The following KCNJ6 variants were observed in gnomAD, a reference collection of about 807,000 sequenced individuals.
KCNJ6 encodes potassium inwardly rectifying channel subfamily J member 6.
A neutral mutation model predicts 34.2 loss-of-function variants in KCNJ6; 9 were observed. That is an observed-to-expected ratio of 0.26 (90% CI 0.16 to 0.46). The LOEUF (loss-of-function observed/expected upper bound fraction) is 0.46. KCNJ6 is among the 20% of genes least tolerant of loss of function. The pLI is 1.00. For synonymous variants in KCNJ6, 196 were observed against 207.1 expected, an observed-to-expected ratio of 0.95 and a Z score of 0.46; for missense variants, 236 against 531.3, an observed-to-expected ratio of 0.44 and a Z score of 5.46.
At chr21:37,837,729 T>G (rs2055459055) in intron 2 of KCNJ6, among the ~76,000 whole-genome samples, 1 of 151,652 alleles carries the variant, frequency 6.6e-6, no homozygotes, top group Non-Finnish European at 1.5e-5. Context: ...TTTTTTTTCT[T>G]CCAGAGTGTG....
At chr21:37,656,452 G>T (rs2054464563) in intron 3 of KCNJ6, among the ~76,000 whole-genome samples, 1 of 152,188 alleles carries the variant, frequency 6.6e-6, no homozygotes, top group Non-Finnish European at 1.5e-5. Context: ...TGGTTGGTTT[G>T]TGGGGTAGAC....
chr21:37,687,282 A>C (rs371778429), intron 3 of KCNJ6, among the ~76,000 whole-genome samples: 1 of 152,176 alleles, frequency 6.6e-6, no homozygotes, highest in East Asian at 1.9e-4. Context: ...TGAGTGCTCC[A>C]GCTGACCCAG....
rs1161495333 is a variant in KCNJ6 at position 37,793,755 on chromosome 21, A to C, written c.25+46903T>G. On this transcript the variant is annotated intron_variant, in intron 2 of 3. Coordinates refer to ENST00000609713, the MANE Select transcript of KCNJ6 (RefSeq NM_002240.5). Reference sequence around the variant, plus strand: ...ATGGTATATATAAAAGCTGGGGCTGAGACTCAGGCTAGTCTGATTTCAGAG... The same window carrying C: ...ATGGTATATATAAAAGCTGGGGCTGCGACTCAGGCTAGTCTGATTTCAGAG... 3.3e-5 allele frequency among the ~76,000 whole-genome samples: 5 copies of C among 152,206 alleles called. No homozygotes were observed. In the East Asian group the frequency reaches 9.6e-4, roughly 29 times the overall value.
At chr21:37,859,508 TATATATATATATATATATATATAA>T (rs1445090574) in intron 1 of KCNJ6, among the ~76,000 whole-genome samples, 26 of 116,598 alleles carry the variant, frequency 2.2e-4, no homozygotes, top group Middle Eastern at 4.1e-3. Context: ...TATATATATA[TATATATATATATATATATATATAA>T]AATACTTAAA....
intron 1 of KCNJ6, among the ~76,000 whole-genome samples, chr21:37,903,948 G>C (rs951471987): frequency 6.6e-6 from 1 of 152,126 alleles, no homozygotes; most frequent in Non-Finnish European, 1.5e-5. Context: ...TATTGGTAGA[G>C]AGTAACCAAA....
At chr21:37,667,109 C>T (rs1178758779) in intron 3 of KCNJ6, among the ~76,000 whole-genome samples, 1 of 142,748 alleles carries the variant, frequency 7.0e-6, no homozygotes, top group East Asian at 2.0e-4. Context: ...ATGACCCTGC[C>T]ACATCCCCCT....
chr21:37,726,864 T>C (rs2054857612), intron 2 of KCNJ6, among the ~76,000 whole-genome samples: 1 of 152,210 alleles, frequency 6.6e-6, no homozygotes. Context: ...GTGTTGTGGA[T>C]TGAAGGGTTC....
At chr21:37,908,085 A>G (rs969523417) in intron 1 of KCNJ6, among the ~76,000 whole-genome samples, 4 of 152,194 alleles carry the variant, frequency 2.6e-5, no homozygotes, top group Admixed American at 2.6e-4. Flanking sequence ...TTACTGTTTC[A>G]TTTTGATAAT....
At chr21:37,753,162 G>A (rs529598658) in intron 2 of KCNJ6, among the ~76,000 whole-genome samples, 39 of 152,192 alleles carry the variant, frequency 2.6e-4, no homozygotes, top group Non-Finnish European at 5.0e-4. Flanking sequence ...GTGCAGCTGG[G>A]CTGAGAAAGG....
chr21:37,694,541 G>T (rs576999026), intron 3 of KCNJ6, among the ~76,000 whole-genome samples: 1 of 152,166 alleles, frequency 6.6e-6, no homozygotes, highest in Non-Finnish European at 1.5e-5. Context: ...ATTTTAGTCT[G>T]CAAAAAGTCA....
intron 3 of KCNJ6, among the ~76,000 whole-genome samples, chr21:37,669,578 TGTG>T (rs2054532748): frequency 6.5e-5 from 1 of 15,492 alleles, no homozygotes; most frequent in South Asian, 1.9e-3. Flanking sequence ...CTGTGTGTGT[TGTG>T]TGTGTGTGTG....
At chr21:37,765,664 T>G (rs973524858) in intron 2 of KCNJ6, among the ~76,000 whole-genome samples, 1 of 152,226 alleles carries the variant, frequency 6.6e-6, no homozygotes, top group African/African-American at 2.4e-5. Context: ...ACCTGTTACA[T>G]TGTGCATACT....
chr21:37,755,500 G>C (rs2055019716), intron 2 of KCNJ6, among the ~76,000 whole-genome samples: 2 of 152,162 alleles, frequency 1.3e-5, no homozygotes, highest in African/African-American at 4.8e-5. Context: ...CAAAAAGAAA[G>C]GCAGGAGAGA....
intron 1 of KCNJ6, among the ~76,000 whole-genome samples, chr21:37,898,587 G>GAAAAAAAAAAAAA (rs112946268): frequency 1.1e-5 from 1 of 89,056 alleles, no homozygotes; most frequent in Admixed American, 1.2e-4. Context: ...CATCTCAAAA[G>GAAAAAAAAAAAAA]AAAAAAAAAA....
At chr21:37,845,535 G>A (rs1464239533) in intron 1 of KCNJ6, among the ~76,000 whole-genome samples, 1 of 152,178 alleles carries the variant, frequency 6.6e-6, no homozygotes, top group Non-Finnish European at 1.5e-5. Flanking sequence ...GTGGGGATAG[G>A]TGGAATTTGC....
intron 1 of KCNJ6, among the ~76,000 whole-genome samples, chr21:37,842,743 G>A (rs946320470): frequency 1.3e-5 from 2 of 152,182 alleles, no homozygotes; most frequent in African/African-American, 4.8e-5. Context: ...CCACAATGCC[G>A]GTTCATGTGA....
chr21:37,833,007 C>A (rs2055433987), intron 2 of KCNJ6, among the ~76,000 whole-genome samples: 1 of 75,422 alleles, frequency 1.3e-5, no homozygotes, highest in Non-Finnish European at 2.5e-5. Context: ...GGCTTCTCGG[C>A]ATTTCTTTTC....
chr21:37,738,188 C>G (rs1424343937), intron 2 of KCNJ6, among the ~76,000 whole-genome samples: 2 of 152,238 alleles, frequency 1.3e-5, no homozygotes, highest in Admixed American at 6.5e-5. Flanking sequence ...ATTTGGTGTT[C>G]TGTGTCTCCT....
At chr21:37,824,397 A>C (rs771706240) in intron 2 of KCNJ6, among the ~76,000 whole-genome samples, 8 of 144,088 alleles carry the variant, frequency 5.6e-5, no homozygotes, top group Admixed American at 1.4e-4. Flanking sequence ...ATGACCAAAA[A>C]CTGGATGGCT....
Sources: gnomAD v4.1 joint callset for allele counts (sites outside exome capture counted in the v4.1 genomes callset) on GRCh38, gnomAD v4.1.1 for gene constraint, MANE v1.5 for transcripts, NCBI Gene and HGNC (gene_info 2026-07-23, HGNC 2026-07-21) for gene names.